Variants in SHISA7 observed in about 807,000 individuals in gnomAD.
SHISA7 encodes shisa family member 7.
A neutral mutation model predicts 23.9 loss-of-function variants in SHISA7; 6 were observed. The ratio of observed to expected loss-of-function variants is 0.25; its 90% CI spans 0.14 to 0.50. SHISA7 has a LOEUF of 0.50. SHISA7 is among the 20% of genes least tolerant of loss of function. The pLI is 0.98. For missense variants in SHISA7, 671 were observed against 801.1 expected (o/e 0.84, Z 1.96); for synonymous variants, 386 against 398.3 (o/e 0.97, Z 0.37).
chr19:55,432,936 C>T lies in SHISA7; in HGVS notation c.*220G>A. The T allele has an allele frequency of 3.5e-6, 2 of 578,268 alleles. No individual in the cohort carries two copies. Among genetic ancestry groups the T allele is most frequent in the Non-Finnish European group, 2.9e-6 (1 of 348,362 alleles). 35.8% of individuals were successfully genotyped at this position (578,268 alleles called of 1,614,324 possible). A position where few individuals can be genotyped will look rare whatever the true frequency, so the allele number is the denominator to read the frequency against. ...TAGTGATGACCTCATGAGCCGGCCTCTTCCTCTGGGATGACATCATGGGAA... is the reference window on the plus strand; with the variant it reads ...TAGTGATGACCTCATGAGCCGGCCTTTTCCTCTGGGATGACATCATGGGAA... On this transcript the variant is annotated 3_prime_UTR_variant, in exon 4 of 4. Coordinates refer to ENST00000376325, the MANE Select transcript of SHISA7 (RefSeq NM_001145176.2). The surrounding 1 kb of genome is among the most constrained non-coding windows in gnomAD (Gnocchi z 4.6).
At position 55,442,693 on chromosome 19, in the gene SHISA7, G is replaced by C. The variant is rs1414255300; in HGVS notation, c.171C>G (p.Gly57=). 9.7e-7 allele frequency: 1 copy of C among 1,031,648 alleles called. No individual in the cohort carries two copies. The highest frequency in any genetic ancestry group is 4.4e-5 in the South Asian group (1 of 22,564). 63.9% of individuals were successfully genotyped at this position (1,031,648 alleles called of 1,614,324 possible). The change falls in exon 1 of 4, where the codon GGC becomes GGG. Residue 57 remains glycine (G), a synonymous_variant. Transcript: ENST00000376325. ...LTGGGGAASP[G]ANGTRTGPAG... is the part of the protein sequence containing the mutation. ...CGGGGCCGGTCCTGGTGCCGTTGGCGCCTGGGCTCGCCGCGCCCCCGCCGC... is the reference window on the plus strand; with the variant it reads ...CGGGGCCGGTCCTGGTGCCGTTGGCCCCTGGGCTCGCCGCGCCCCCGCCGC...
chr19:55,436,596 TC>T (rs1418496141), intron 3 of SHISA7, among the ~76,000 whole-genome samples: 1 of 145,306 alleles, frequency 6.9e-6, no homozygotes, highest in East Asian at 2.0e-4. Flanking sequence ...AGAGTGAGAC[TC>T]TGTCTCAAAA....
Position 55,433,312 on chromosome 19 carries a change from C to T in SHISA7, c.1461G>A (p.Gln487=). The T allele has an allele frequency of 6.7e-7, 1 of 1,485,364 alleles. No individual in the cohort carries two copies. The highest frequency in any genetic ancestry group is 8.9e-7 in the Non-Finnish European group (1 of 1,126,496). The allele number at this position is 1,485,364 out of a possible 1,614,324, so 92.0% of individuals were successfully genotyped here. A position where few individuals can be genotyped will look rare whatever the true frequency, so the allele number is the denominator to read the frequency against. The part of the protein sequence containing the change: ...HHHHALHGSP[Q]PAWMSDAGGG... The stretch of plus-strand genomic sequence containing the variant: ...CGCCGGCGTCGGACATCCAGGCCGG[C>T]TGCGGCGAGCCGTGCAGGGCGTGGT... The change falls in exon 4 of 4, where the codon CAG becomes CAA. Residue 487 remains glutamine (Q), a synonymous_variant. Transcript: ENST00000376325. This position sits in a 1 kb window ranked among gnomAD's most constrained non-coding sequence, Gnocchi z 8.4.
In SHISA7 at chr19:55,442,563, C is replaced by T. The variant is rs1387479286; in HGVS notation, c.301G>A (p.Gly101Ser). ...GTGCCACAGCAGAAGCGGTAGGAGC[C>T]GGTGCTGCAGTTGAAGGTGGCGTCG... The part of the protein sequence containing the change: ...QYDATFNCST[G>S]SYRFCCGTCH... The change falls in exon 1 of 4, where the codon GGC becomes AGC. Residue 101 changes from glycine (G) to serine (S), a missense_variant. By Grantham distance (56) the Gly-to-Ser change is moderately conservative. Around this residue, in one of 5 missense-constraint regions of SHISA7, gnomAD observed 48 missense variants for 111.0 expected, o/e 0.43. Transcript: ENST00000376325. 1 of 1,478,420 alleles carries T rather than the reference C, an allele frequency of 6.8e-7. No homozygotes were observed. Among genetic ancestry groups the T allele is most frequent in the Non-Finnish European group, 9.0e-7 (1 of 1,109,638 alleles). The allele number at this position is 1,478,420 out of a possible 1,614,324, so 91.6% of individuals were successfully genotyped here.
Position 55,442,246 on chromosome 19 carries a change from G to C in SHISA7, c.618C>G (p.Ala206=). 1 of 1,534,230 alleles carries C rather than the reference G, an allele frequency of 6.5e-7. No homozygotes were observed. Among genetic ancestry groups the C allele is most frequent in the Non-Finnish European group, 8.7e-7 (1 of 1,146,046 alleles). The part of the protein sequence containing the change: ...ALAVGVGAKV[A]FSKASRAPRA... ...GGGGCGCACGGGACGCCTTGCTGAAGGCCACTTTGGCGCCGACGCCCACGG... is the reference window on the plus strand; with the variant it reads ...GGGGCGCACGGGACGCCTTGCTGAACGCCACTTTGGCGCCGACGCCCACGG... Residue 206 remains alanine (A), a synonymous_variant, in exon 1 of 4, where the codon GCC becomes GCG. Coordinates refer to ENST00000376325, the MANE Select transcript of SHISA7 (RefSeq NM_001145176.2).
chr19:55,435,320 T>G (rs1181584138), intron 3 of SHISA7, among the ~76,000 whole-genome samples: 3 of 120,808 alleles, frequency 2.5e-5, no homozygotes, highest in African/African-American at 1.0e-4. Flanking sequence ...GGTGTGTGTG[T>G]GGGTGTGTGT....
intron 1 of SHISA7, 105 bp downstream of exon 1, chr19:55,442,088 G>C: frequency 8.4e-7 from 1 of 1,189,110 alleles, no homozygotes. Context: ...CTGGGTCTCT[G>C]ACCACCACGC....
At chr19:55,438,481 G>T in intron 2 of SHISA7, 2 of 1,219,906 alleles carry the variant, frequency 1.6e-6, no homozygotes, top group East Asian at 5.7e-5. Context: ...TCTATACTGG[G>T]CACCTGGCAT....
chr19:55,437,583 C>G, intron 3 of SHISA7, 22 bp downstream of exon 3: 1 of 1,548,528 alleles, frequency 6.5e-7, no homozygotes, highest in Non-Finnish European at 8.7e-7. Context: ...TTCACCGCCG[C>G]GCTGCCCTTG....
Position 55,442,885 on chromosome 19 carries a change from T to A in SHISA7, c.-22A>T. On this transcript the variant is annotated 5_prime_UTR_variant, in exon 1 of 4. Coordinates refer to ENST00000376325, the MANE Select transcript of SHISA7 (RefSeq NM_001145176.2). Reference sequence around the variant, plus strand: ...GCATGGGGCTTGCAGGGGGTCGCACTGGGCCGCCAGGCTGCGGGGAGAACG... The same window carrying A: ...GCATGGGGCTTGCAGGGGGTCGCACAGGGCCGCCAGGCTGCGGGGAGAACG... 1 of 1,283,922 alleles carries A rather than the reference T, an allele frequency of 7.8e-7. No homozygotes were observed. Among genetic ancestry groups the A allele is most frequent in the Non-Finnish European group, 9.8e-7 (1 of 1,015,546 alleles). 79.5% of individuals were successfully genotyped at this position (1,283,922 alleles called of 1,614,324 possible).
Position 55,433,739 on chromosome 19 carries a change from CCGCGGGGCAATTCCAGG to C in SHISA7, c.1017_1033del (p.Leu340HisfsTer255), listed in dbSNP as rs1441322497. Reference sequence around the variant, plus strand: ...CCGCAGCGCGTGCAGGGGCAGCGTGCCGCGGGGCAATTCCAGGGGCCGGCGCTTCAGGTAGGCCTCGT... The same window carrying C: ...CCGCAGCGCGTGCAGGGGCAGCGTGCGGCCGGCGCTTCAGGTAGGCCTCGT... On this transcript the variant is annotated frameshift_variant, in exon 4 of 4. Coordinates refer to ENST00000376325, the MANE Select transcript of SHISA7 (RefSeq NM_001145176.2). LOFTEE classifies it low-confidence loss of function (END_TRUNC). The surrounding 1 kb of genome is among the most constrained non-coding windows in gnomAD (Gnocchi z 8.4). 6.8e-7 allele frequency: 1 copy of C among 1,460,650 alleles called. No individual in the cohort carries two copies. Among genetic ancestry groups the C allele is most frequent in the African/African-American group, 1.5e-5 (1 of 67,358 alleles). The allele number at this position is 1,460,650 out of a possible 1,614,324, so 90.5% of individuals were successfully genotyped here. A position where few individuals can be genotyped will look rare whatever the true frequency, so the allele number is the denominator to read the frequency against.
At position 55,430,486 on chromosome 19, in the gene SHISA7, G is replaced by A. The variant is rs905299412; in HGVS notation, c.*2670C>T. The stretch of plus-strand genomic sequence containing the variant: ...CAGTGGACTCTGGGATGACACCAGG[G>A]TTATGGTGGATCCTAGTGGGTGGTG... On this transcript the variant is annotated 3_prime_UTR_variant, in exon 4 of 4. Coordinates refer to ENST00000376325, the MANE Select transcript of SHISA7 (RefSeq NM_001145176.2). 6.6e-6 allele frequency: 1 copy of A among 152,256 alleles called. No individual in the cohort carries two copies. Among genetic ancestry groups the A allele is most frequent in the Non-Finnish European group, 1.5e-5 (1 of 68,072 alleles). The allele number at this position is 152,256 out of a possible 1,614,324, so 9.4% of individuals were successfully genotyped here.
chr19:55,438,599 A>C (rs1007947407), intron 2 of SHISA7: 22 of 1,304,258 alleles, frequency 1.7e-5, no homozygotes, highest in African/African-American at 3.0e-5. Flanking sequence ...GTTGACGTTG[A>C]GGTGCAGGTA....
Position 55,428,754 on chromosome 19 carries a change from A to G in SHISA7, c.*4402T>C, listed in dbSNP as rs934065027. ...GAGACCTTCGATCAGGAAAATGTCT[A>G]TTTATTCCAAAAAATACCAAGTCGC... On this transcript the variant is annotated 3_prime_UTR_variant, in exon 4 of 4. Coordinates refer to ENST00000376325, the MANE Select transcript of SHISA7 (RefSeq NM_001145176.2). The G allele has an allele frequency of 3.3e-5, 5 of 152,220 alleles. No homozygotes were observed. The highest frequency in any genetic ancestry group is 1.2e-4 in the African/African-American group (5 of 41,436). The allele number at this position is 152,220 out of a possible 1,614,324, so 9.4% of individuals were successfully genotyped here.
At chr19:55,440,565 G>A in intron 2 of SHISA7, 46 bp downstream of exon 2, 1 of 1,248,508 alleles carries the variant, frequency 8.0e-7, no homozygotes, top group Non-Finnish European at 1.0e-6. Flanking sequence ...TGATGAAGGG[G>A]CGTGGCCAGA....
Position 55,442,978 on chromosome 19 carries a change from G to T in SHISA7, c.-115C>A, listed in dbSNP as rs139584250. ...GGGTGAGAAACGTAGAGATGGGTGG[G>T]CAGAGAGGCTGGGGAGGGCGGGCGG... On this transcript the variant is annotated 5_prime_UTR_variant, in exon 1 of 4. Transcript: ENST00000376325. The T allele has an allele frequency of 0.03, 6,447 of 214,422 alleles. 130 individuals carry two copies. The highest frequency in any genetic ancestry group is 0.061 in the African/African-American group (2,384 of 39,042). 13.3% of individuals were successfully genotyped at this position (214,422 alleles called of 1,614,324 possible). A position where few individuals can be genotyped will look rare whatever the true frequency, so the allele number is the denominator to read the frequency against.
chr19:55,429,621 A>T lies in SHISA7; in HGVS notation c.*3535T>A, dbSNP rs1421754347. On this transcript the variant is annotated 3_prime_UTR_variant, in exon 4 of 4. Transcript: ENST00000376325. The stretch of plus-strand genomic sequence containing the variant: ...GAGGGGGACGGCCCAGGGGAGGAAG[A>T]AGAGGCCCCCCCCACCTCGCCCTAG... 6.6e-6 allele frequency: 1 copy of T among 152,108 alleles called. No individual in the cohort carries two copies. The highest frequency in any genetic ancestry group is 6.5e-5 in the Admixed American group (1 of 15,272). The allele number at this position is 152,108 out of a possible 1,614,324, so 9.4% of individuals were successfully genotyped here. A position where few individuals can be genotyped will look rare whatever the true frequency, so the allele number is the denominator to read the frequency against.
At chr19:55,434,851 G>A (rs111067370) in intron 3 of SHISA7, among the ~76,000 whole-genome samples, 29,150 of 85,508 alleles carry the variant, frequency 0.34, 6,427 homozygotes, top group East Asian at 0.82. Flanking sequence ...GTGTGTGTGC[G>A]TGTGTGTATA....
chr19:55,431,153 C>A lies in SHISA7; in HGVS notation c.*2003G>T, dbSNP rs556833614. ...GTAGTGGCACATGTTTGAATGAAAT[C>A]CTGGGAGGTGGTGGCACATGGTTGA... On this transcript the variant is annotated 3_prime_UTR_variant, in exon 4 of 4. Transcript: ENST00000376325. 3 of 152,184 alleles carry A rather than the reference C, an allele frequency of 2.0e-5. No individual in the cohort carries two copies. Among genetic ancestry groups the A allele is most frequent in the East Asian group, 3.9e-4 (2 of 5,168 alleles). 9.4% of individuals were successfully genotyped at this position (152,184 alleles called of 1,614,324 possible).
Sources: gnomAD v4.1 joint callset for allele counts (sites outside exome capture counted in the v4.1 genomes callset) on GRCh38, gnomAD v4.1.1 for gene constraint, gnomAD v4.1.1 regional missense constraint, Gnocchi (gnomAD v3.1) non-coding constraint, MANE v1.5 for transcripts, NCBI Gene and HGNC (gene_info 2026-07-23, HGNC 2026-07-21) for gene names.